CACNA1D: variants seen among roughly 807,000 people sequenced by gnomAD.
CACNA1D encodes calcium voltage-gated channel subunit alpha1 D.
A neutral mutation model predicts 257.1 loss-of-function variants in CACNA1D; 55 were observed. That is an observed-to-expected ratio of 0.21 (90% CI 0.17 to 0.27). CACNA1D has a LOEUF of 0.27. Among genes scored for constraint, CACNA1D ranks in the 10% least tolerant of loss-of-function variants. The pLI, the probability that CACNA1D is intolerant of heterozygous loss-of-function variation, is 1.00. For synonymous variants in CACNA1D, 980 were observed against 1,014.9 expected (o/e 0.97, Z 0.65); for missense variants, 1,876 against 2,784.0 (o/e 0.67, Z 7.34).
intron 3 of CACNA1D, among the ~76,000 whole-genome samples, chr3:53,547,181 T>C (rs918426052): frequency 6.6e-6 from 1 of 152,154 alleles, no homozygotes; most frequent in Non-Finnish European, 1.5e-5. Context: ...AGTGCACCTG[T>C]CATTGTGTGC....
intron 38 of CACNA1D, among the ~76,000 whole-genome samples, chr3:53,781,188 C>T (rs558192186): frequency 1.8e-4 from 27 of 152,190 alleles, no homozygotes; most frequent in Non-Finnish European, 3.1e-4. Context: ...GCTGGATCTT[C>T]AAGGAAGGAG....
intron 3 of CACNA1D, among the ~76,000 whole-genome samples, chr3:53,502,445 A>C (rs1186618343): frequency 6.6e-6 from 1 of 152,100 alleles, no homozygotes; most frequent in Non-Finnish European, 1.5e-5. Context: ...CCCTAAAAGT[A>C]ATCAGTCATG....
chr3:53,696,538 G>A (rs961349723), intron 8 of CACNA1D, among the ~76,000 whole-genome samples: 8 of 152,206 alleles, frequency 5.3e-5, no homozygotes, highest in African/African-American at 1.9e-4. Flanking sequence ...CAGGGTAGGG[G>A]ACACATGTAT....
intron 4 of CACNA1D, among the ~76,000 whole-genome samples, chr3:53,651,974 T>A (rs952077746): frequency 1.3e-5 from 2 of 152,168 alleles, no homozygotes; most frequent in Non-Finnish European, 2.9e-5. Context: ...GAGATCCTAA[T>A]TGCCCAGTGG....
chr3:53,507,846 G>C (rs1441822860), intron 3 of CACNA1D, among the ~76,000 whole-genome samples: 3 of 152,058 alleles, frequency 2.0e-5, no homozygotes, highest in Non-Finnish European at 4.4e-5. Context: ...AACTCTTTGG[G>C]TTACAGATTG....
intron 3 of CACNA1D, among the ~76,000 whole-genome samples, chr3:53,639,859 C>CTTTTTTTTTTTTTTTTTTTTTTTTTTTTT (rs34925431): frequency 9.8e-6 from 1 of 102,074 alleles, no homozygotes. Context: ...TCATTTCTTA[C>CTTTTTTTTTTTTTTTTTTTTTTTTTTTTT]TTTTTTTTTT....
At chr3:53,732,792 T>TA (rs397897502) in intron 18 of CACNA1D, 23 bp from the exon 19 acceptor site, 13 of 1,607,350 alleles carry the variant, frequency 8.1e-6, no homozygotes, top group East Asian at 2.2e-5. Context: ...TTCATGCCTA[T>TA]AAAAAAAGTA....
chr3:53,615,771 A>G (rs759338222), intron 3 of CACNA1D, among the ~76,000 whole-genome samples: 14 of 152,134 alleles, frequency 9.2e-5, no homozygotes, highest in Non-Finnish European at 1.2e-4. Flanking sequence ...TCTTCAGGTT[A>G]TTTTGTTCCA....
chr3:53,627,564 C>T (rs950947353), intron 3 of CACNA1D, among the ~76,000 whole-genome samples: 8 of 136,118 alleles, frequency 5.9e-5, no homozygotes, highest in Non-Finnish European at 9.0e-5. Flanking sequence ...TGCCAACATG[C>T]TGATGCTGTG....
intron 3 of CACNA1D, among the ~76,000 whole-genome samples, chr3:53,533,826 G>C (rs1156489285): frequency 1.3e-5 from 2 of 152,144 alleles, no homozygotes; most frequent in Non-Finnish European, 2.9e-5. Flanking sequence ...TAATTTACTT[G>C]ACAAACACTT....
intron 29 of CACNA1D, among the ~76,000 whole-genome samples, chr3:53,760,963 C>T (rs1285582411): frequency 6.6e-6 from 1 of 152,168 alleles, no homozygotes. Context: ...AGACAAAGAC[C>T]CCACATTCAG....
chr3:53,732,989 C>G (rs777679527), intron 19 of CACNA1D, 27 bp downstream of exon 19: 3 of 1,613,036 alleles, frequency 1.9e-6, no homozygotes, highest in Non-Finnish European at 2.5e-6. Context: ...TAGTCTCTCA[C>G]GGCTGCCTCT....
Position 53,673,210 on chromosome 3 carries a change from C to A in CACNA1D, c.1220+84C>A. On this transcript the variant is annotated intron_variant, in intron 8 of 47. Coordinates refer to ENST00000350061, the MANE Select transcript of CACNA1D (RefSeq NM_001128840.3). The surrounding 1 kb of genome is among the most constrained non-coding windows in gnomAD (Gnocchi z 4.1). ...ACAAGCTTTGCTGGATGAGGGCCGC[C>A]AAGAGGGGTTGCCAGACATTTTATG... The A allele has an allele frequency of 1.1e-6, 1 of 879,754 alleles. No homozygotes were observed. The highest frequency in any genetic ancestry group is 1.8e-6 in the Non-Finnish European group (1 of 543,692). The allele number at this position is 879,754 out of a possible 1,614,324, so 54.5% of individuals were successfully genotyped here. A position where few individuals can be genotyped will look rare whatever the true frequency, so the allele number is the denominator to read the frequency against.
chr3:53,575,516 C>T (rs1320876743), intron 3 of CACNA1D, among the ~76,000 whole-genome samples: 2 of 152,168 alleles, frequency 1.3e-5, no homozygotes, highest in African/African-American at 4.8e-5. Flanking sequence ...TGCTTTCCCA[C>T]TAGAGATACG....
At chr3:53,560,516 G>T (rs778598176) in intron 3 of CACNA1D, among the ~76,000 whole-genome samples, 2 of 152,086 alleles carry the variant, frequency 1.3e-5, no homozygotes, top group Admixed American at 6.5e-5. Flanking sequence ...GATAAAATAA[G>T]CTTAAATTTT....
chr3:53,799,797 G>T, intron 40 of CACNA1D: 1 of 252,106 alleles, frequency 4.0e-6, no homozygotes, highest in South Asian at 5.5e-5. Flanking sequence ...CTACACCTAG[G>T]CTTCCTCATC....
At chr3:53,566,176 C>T (rs1034270103) in intron 3 of CACNA1D, among the ~76,000 whole-genome samples, 1 of 152,164 alleles carries the variant, frequency 6.6e-6, no homozygotes, top group African/African-American at 2.4e-5. Context: ...CTGAAGTCTT[C>T]CCAGCTTTCA....
At chr3:53,584,609 G>A (rs1360269060) in intron 3 of CACNA1D, among the ~76,000 whole-genome samples, 2 of 152,192 alleles carry the variant, frequency 1.3e-5, no homozygotes, top group African/African-American at 4.8e-5. Flanking sequence ...CTCTCAGGGA[G>A]CTCACCTTTG....
At chr3:53,593,560 G>A (rs2093334435) in intron 3 of CACNA1D, among the ~76,000 whole-genome samples, 1 of 152,188 alleles carries the variant, frequency 6.6e-6, no homozygotes, top group Admixed American at 6.5e-5. Flanking sequence ...TGATGGGAGT[G>A]TTGGTTGATT....
Sources: allele counts gnomAD v4.1 joint callset (sites outside exome capture counted in the v4.1 genomes callset), GRCh38; gene constraint gnomAD v4.1.1; non-coding constraint Gnocchi (gnomAD v3.1); transcripts MANE v1.5; gene names NCBI Gene and HGNC (gene_info 2026-07-23, HGNC 2026-07-21).